The following MALRD1 variants were observed in gnomAD, a reference collection of about 807,000 sequenced individuals.
MALRD1 encodes MAM and LDL-receptor class A domain-containing protein 1.
Under a neutral mutation model 242.1 loss-of-function variants are expected in MALRD1, and 247 were observed. The ratio of observed to expected loss-of-function variants is 1.02; its 90% CI spans 0.92 to 1.13. The LOEUF is 1.13. Ranked by LOEUF, MALRD1 falls within the 50% of genes most tolerant of loss-of-function variation. MALRD1 has a pLI of 0.00. For synonymous variants in MALRD1, 995 were observed against 866.6 expected (o/e 1.15, Z -2.60); for missense variants, 2,989 against 2,533.1 (o/e 1.18, Z -3.86).
intron 31 of MALRD1, among the ~76,000 whole-genome samples, chr10:19,510,955 G>A (rs758936445): frequency 5.3e-5 from 8 of 152,106 alleles, no homozygotes; most frequent in Non-Finnish European, 8.8e-5. Flanking sequence ...GACACTCCCC[G>A]CTGTTCAGCC....
At chr10:19,455,081 G>A (rs1835574114) in intron 29 of MALRD1, among the ~76,000 whole-genome samples, 1 of 152,060 alleles carries the variant, frequency 6.6e-6, no homozygotes, top group African/African-American at 2.4e-5. Context: ...AAGTTAATAA[G>A]GAAGCAAGGA....
rs901177816 is a variant in MALRD1, at chr10:19,161,450, A to G, written c.1657-4187A>G. On this transcript the variant is annotated intron_variant, in intron 12 of 39. Coordinates refer to ENST00000454679, the MANE Select transcript of MALRD1 (RefSeq NM_001142308.3). ...GCGCACCAGCGTGGCACATGTATAC[A>G]TATGTAACTAACCTGCACATTGTGC... Among the ~76,000 whole-genome samples the G allele has an allele frequency of 1.0e-4, 14 of 136,542 alleles. No individual in the cohort carries two copies. In the South Asian group the frequency reaches 1.1e-3, roughly 11 times the overall value. The allele number at this position is 136,542 out of a possible 152,430, so 89.6% of individuals were successfully genotyped here.
At chr10:19,484,114 A>C (rs563776717) in intron 29 of MALRD1, among the ~76,000 whole-genome samples, 30 of 152,294 alleles carry the variant, frequency 2.0e-4, no homozygotes, top group African/African-American at 5.5e-4. Context: ...AACACTGGGA[A>C]CTACTGACAA....
chr10:19,606,969 C>T (rs1482762669), intron 34 of MALRD1, among the ~76,000 whole-genome samples: 1 of 152,104 alleles, frequency 6.6e-6, no homozygotes, highest in Non-Finnish European at 1.5e-5. Flanking sequence ...ATAGACAAAT[C>T]AGATATAATT....
chr10:19,679,572 T>C (rs1842276240), intron 36 of MALRD1, among the ~76,000 whole-genome samples: 1 of 151,882 alleles, frequency 6.6e-6, no homozygotes, highest in Non-Finnish European at 1.5e-5. Flanking sequence ...GTCTAGCTAG[T>C]GGTCTATTTT....
intron 2 of MALRD1, among the ~76,000 whole-genome samples, chr10:19,067,906 A>G (rs2131246571): frequency 1.3e-5 from 2 of 152,220 alleles, no homozygotes; most frequent in South Asian, 4.1e-4. Flanking sequence ...GTTTGGCTTT[A>G]ATGTCAAAAA....
chr10:19,139,748 T>C (rs1004684573), intron 10 of MALRD1, among the ~76,000 whole-genome samples: 2 of 152,192 alleles, frequency 1.3e-5, no homozygotes, highest in Admixed American at 1.3e-4. Flanking sequence ...GCAGACTCCA[T>C]GGACCAGAGC....
chr10:19,084,013 T>A (rs2131287182), intron 2 of MALRD1, among the ~76,000 whole-genome samples: 2 of 152,158 alleles, frequency 1.3e-5, no homozygotes, highest in Middle Eastern at 6.8e-3. Flanking sequence ...ACATATTTTA[T>A]GATCTCCTAA....
At chr10:19,434,725 T>A (rs1174894524) in intron 28 of MALRD1, among the ~76,000 whole-genome samples, 1 of 152,168 alleles carries the variant, frequency 6.6e-6, no homozygotes, top group South Asian at 2.1e-4. Context: ...ATTTTTATGT[T>A]CTAGTCTTTT....
At chr10:19,599,967 A>G (rs3844358) in intron 34 of MALRD1, among the ~76,000 whole-genome samples, 84,119 of 151,902 alleles carry the variant, frequency 0.55, 23,605 homozygotes, top group African/African-American at 0.64. Flanking sequence ...CAGGGCCCAG[A>G]TGGGGAGAGA....
At chr10:19,322,826 A>G (rs1052590464) in intron 21 of MALRD1, among the ~76,000 whole-genome samples, 7 of 152,196 alleles carry the variant, frequency 4.6e-5, no homozygotes, top group Admixed American at 3.3e-4. Context: ...ATAAGAAGCA[A>G]ATTTAAACTC....
chr10:19,510,904 A>G (rs1334141437), intron 31 of MALRD1, among the ~76,000 whole-genome samples: 1 of 152,190 alleles, frequency 6.6e-6, no homozygotes, highest in East Asian at 1.9e-4. Flanking sequence ...TCTATACCAG[A>G]TGTATTTATC....
At chr10:19,696,772 C>G (rs367933657) in intron 38 of MALRD1, among the ~76,000 whole-genome samples, 1 of 151,628 alleles carries the variant, frequency 6.6e-6, no homozygotes, top group East Asian at 1.9e-4. Flanking sequence ...AAAAATTAGC[C>G]TGGTGTGTTG....
At chr10:19,534,873 TG>T (rs869247554) in intron 32 of MALRD1, among the ~76,000 whole-genome samples, 26 of 3,640 alleles carry the variant, frequency 7.1e-3, no homozygotes, top group African/African-American at 0.018. Context: ...ATAAAGTTTT[TG>T]TTGTTGTTGT....
intron 28 of MALRD1, among the ~76,000 whole-genome samples, chr10:19,408,236 G>A (rs189527821): frequency 5.3e-4 from 81 of 152,250 alleles, no homozygotes; most frequent in African/African-American, 1.8e-3. Flanking sequence ...ACAGGAATTA[G>A]GGAAGGGTAA....
chr10:19,326,741 C>T (rs1843150861), intron 22 of MALRD1, among the ~76,000 whole-genome samples: 1 of 151,942 alleles, frequency 6.6e-6, no homozygotes, highest in African/African-American at 2.4e-5. Context: ...ATAATGTAAT[C>T]ATTAAAATTC....
rs1844920606 is a variant in MALRD1 at position 19,362,145 on chromosome 10, A to G, written c.4441+9848A>G. ...TGAATTTCTGACCAGCCCGTGAGTCAAGAATTTAAGAGCCAATTATTTCTT... is the reference window on the plus strand; with the variant it reads ...TGAATTTCTGACCAGCCCGTGAGTCGAGAATTTAAGAGCCAATTATTTCTT... On this transcript the variant is annotated intron_variant, in intron 26 of 39. Transcript: ENST00000454679. Among the ~76,000 whole-genome samples, 3 of 152,122 alleles carry G rather than the reference A, an allele frequency of 2.0e-5. No individual in the cohort carries two copies. In the South Asian group the frequency reaches 6.2e-4, roughly 32 times the overall value.
At chr10:19,615,379 G>A (rs1839097003) in intron 35 of MALRD1, among the ~76,000 whole-genome samples, 1 of 151,386 alleles carries the variant, frequency 6.6e-6, no homozygotes, top group African/African-American at 2.4e-5. Context: ...TTAGGCAAGT[G>A]TAGTAGTGTG....
Position 19,238,454 on chromosome 10 carries a change from A to G in MALRD1, c.2992-19230A>G, listed in dbSNP as rs1481015751. ...ATATAATATATAATATACATTATAT[A>G]TAATATATAATATAATATATAATAT... On this transcript the variant is annotated intron_variant, in intron 18 of 39. Coordinates refer to ENST00000454679, the MANE Select transcript of MALRD1 (RefSeq NM_001142308.3). Among the ~76,000 whole-genome samples, 13 of 47,680 alleles carry G rather than the reference A, an allele frequency of 2.7e-4. 1 individual carries two copies. The highest frequency in any genetic ancestry group is 4.4e-4 in the Admixed American group (1 of 2,268). The allele number at this position is 47,680 out of a possible 152,430, so 31.3% of individuals were successfully genotyped here.
Sources: gnomAD v4.1 joint callset for allele counts (sites outside exome capture counted in the v4.1 genomes callset) on GRCh38, gnomAD v4.1.1 for gene constraint, MANE v1.5 for transcripts, NCBI Gene and HGNC (gene_info 2026-07-23, HGNC 2026-07-21) for gene names.